STON2: variants seen among roughly 807,000 people sequenced by gnomAD.
STON2 encodes the protein stonin 2.
Under a neutral mutation model 65.7 loss-of-function variants are expected in STON2, and 29 were observed. That is an observed-to-expected ratio of 0.44 (90% confidence interval 0.33 to 0.60). The LOEUF (loss-of-function observed/expected upper bound fraction) is 0.60. Among genes scored for constraint, STON2 ranks in the 20% least tolerant of loss-of-function variants. STON2 has a pLI of 0.03. For synonymous variants in STON2, 404 were observed against 414.2 expected (o/e 0.98, Z 0.30); for missense variants, 1,054 against 1,118.1 (o/e 0.94, Z 0.82).
intron 5 of STON2, among the ~76,000 whole-genome samples, chr14:81,312,966 C>T (rs1360755526): frequency 1.3e-5 from 2 of 152,252 alleles, no homozygotes; most frequent in Non-Finnish European, 2.9e-5. Flanking sequence ...AGGACCCTTA[C>T]AGGCAAACTA....
At chr14:81,358,365 C>T (rs1289999640) in intron 4 of STON2, among the ~76,000 whole-genome samples, 3 of 151,894 alleles carry the variant, frequency 2.0e-5, no homozygotes, top group East Asian at 1.9e-4. Flanking sequence ...AGATGTTCTA[C>T]GTAAGCCTCT....
chr14:81,417,742 G>A (rs966590427), intron 2 of STON2, among the ~76,000 whole-genome samples: 3 of 152,192 alleles, frequency 2.0e-5, no homozygotes, highest in African/African-American at 7.2e-5. Flanking sequence ...ATGCAGCCAA[G>A]GGAATGAATA....
intron 3 of STON2, among the ~76,000 whole-genome samples, chr14:81,391,235 T>C (rs1045196966): frequency 6.6e-6 from 1 of 152,242 alleles, no homozygotes; most frequent in Non-Finnish European, 1.5e-5. Flanking sequence ...GTAGCAGTGA[T>C]TGCAGCAAGT....
At chr14:81,400,227 C>G (rs1900536373) in intron 1 of STON2, among the ~76,000 whole-genome samples, 52 bp downstream of exon 1, 1 of 152,060 alleles carries the variant, frequency 6.6e-6, no homozygotes, top group African/African-American at 2.4e-5. Context: ...ACCACAAGGC[C>G]AGACATAGGC....
rs1461745263 is a variant in STON2 at position 81,266,092 on chromosome 14, G to A, written c.*2322C>T. The A allele has an allele frequency of 1.0e-6, 1 of 985,008 alleles. No homozygotes were observed. The highest frequency in any genetic ancestry group is 1.2e-6 in the Non-Finnish European group (1 of 829,694). 61.0% of individuals were successfully genotyped at this position (985,008 alleles called of 1,614,324 possible). A position where few individuals can be genotyped will look rare whatever the true frequency, so the allele number is the denominator to read the frequency against. The stretch of plus-strand genomic sequence containing the variant: ...ATGAAAAACCACTTATGAAGAAAAA[G>A]ACAAATGAAGTTAGAGAGTCTTATT... On this transcript the variant is annotated 3_prime_UTR_variant, in exon 8 of 8. Coordinates refer to ENST00000614646, the MANE Select transcript of STON2 (RefSeq NM_001394390.1).
chr14:81,410,012 A>G (rs944908032), intron 2 of STON2, among the ~76,000 whole-genome samples: 1 of 152,114 alleles, frequency 6.6e-6, no homozygotes, highest in African/African-American at 2.4e-5. Flanking sequence ...TGCTATCCCA[A>G]TGAAGGAGAC....
intron 3 of STON2, among the ~76,000 whole-genome samples, chr14:81,372,035 G>A (rs372504443): frequency 6.6e-6 from 1 of 152,168 alleles, no homozygotes. Context: ...TACAAATGGA[G>A]ATTTACTGAG....
chr14:81,262,004 T>C lies in STON2; in HGVS notation c.*6410A>G. 1 of 1,370,296 alleles carries C rather than the reference T, an allele frequency of 7.3e-7. No individual in the cohort carries two copies. The allele number at this position is 1,370,296 out of a possible 1,614,324, so 84.9% of individuals were successfully genotyped here. A position where few individuals can be genotyped will look rare whatever the true frequency, so the allele number is the denominator to read the frequency against. The stretch of plus-strand genomic sequence containing the variant: ...GGAAAAAGATGGACCAGGTGATTTT[T>C]CCAATCTTCAAAATTTAAATTTCTT... On this transcript the variant is annotated 3_prime_UTR_variant, in exon 8 of 8. Transcript: ENST00000614646.
At chr14:81,338,865 G>A (rs1183459781) in intron 4 of STON2, among the ~76,000 whole-genome samples, 1 of 152,210 alleles carries the variant, frequency 6.6e-6, no homozygotes, top group African/African-American at 2.4e-5. Flanking sequence ...GATCCTCAAT[G>A]GGAGGCATAA....
chr14:81,339,274 G>T (rs2140287093), intron 4 of STON2, among the ~76,000 whole-genome samples: 1 of 152,318 alleles, frequency 6.6e-6, no homozygotes, highest in South Asian at 2.1e-4. Flanking sequence ...CTGAGGCTAG[G>T]AAAGGTTAAA....
chr14:81,315,198 A>G (rs954978284), intron 5 of STON2, among the ~76,000 whole-genome samples: 6 of 152,222 alleles, frequency 3.9e-5, no homozygotes, highest in Admixed American at 2.0e-4. Context: ...AATAATAGTA[A>G]GAGAAAGTTT....
Position 81,267,172 on chromosome 14 carries a change from A to T in STON2, c.*1242T>A, listed in dbSNP as rs1247193707. The stretch of plus-strand genomic sequence containing the variant: ...AAGATACAAATAAGAAGCAGAGGTG[A>T]GTAGGAACGGATGAAGGAAAAGAAG... On this transcript the variant is annotated 3_prime_UTR_variant, in exon 8 of 8. Transcript: ENST00000614646. 5.4e-5 allele frequency: 53 copies of T among 985,322 alleles called. No homozygotes were observed. Among genetic ancestry groups the T allele is most frequent in the Non-Finnish European group, 6.3e-5 (52 of 829,940 alleles). The allele number at this position is 985,322 out of a possible 1,614,324, so 61.0% of individuals were successfully genotyped here.
In STON2 at chr14:81,318,758, C is replaced by T. The variant is rs575577679; in HGVS notation, c.742+5259G>A. On this transcript the variant is annotated intron_variant, in intron 5 of 7. Transcript: ENST00000614646. ...CCCGGCTACTCCGGGGTCTGAGACA[C>T]AATACTCACTTGAACCTGGGAGACG... is the stretch of plus-strand genomic sequence containing the variant. 2.1e-4 allele frequency among the ~76,000 whole-genome samples: 32 copies of T among 152,282 alleles called. No homozygotes were observed. In the East Asian group the frequency reaches 4.6e-3, roughly 22 times the overall value.
At chr14:81,347,924 AGATAAT>A (rs1897879963) in intron 4 of STON2, among the ~76,000 whole-genome samples, 1 of 148,104 alleles carries the variant, frequency 6.8e-6, no homozygotes, top group Non-Finnish European at 1.5e-5. Flanking sequence ...AAAAAAAAAA[AGATAAT>A]AAAGTAGGAG....
intron 2 of STON2, among the ~76,000 whole-genome samples, chr14:81,423,176 A>G (rs1410299776): frequency 6.6e-6 from 1 of 152,160 alleles, no homozygotes; most frequent in African/African-American, 2.4e-5. Context: ...CTACGTACAC[A>G]AGTCACCAAC....
intron 4 of STON2, among the ~76,000 whole-genome samples, chr14:81,364,355 A>C (rs901693100): frequency 6.6e-6 from 1 of 152,214 alleles, no homozygotes; most frequent in African/African-American, 2.4e-5. Flanking sequence ...AAAAAGGCCA[A>C]GAGGTTCAGC....
In STON2 at chr14:81,262,786, C is replaced by G. The variant is rs1372705092; in HGVS notation, c.*5628G>C. ...AGAAGAAATGTAAAAATCTCACATT[C>G]TTGTTCTAGTTAATACATGGGAGAA... On this transcript the variant is annotated 3_prime_UTR_variant, in exon 8 of 8. Transcript: ENST00000614646. The G allele has an allele frequency of 1.5e-5, 15 of 985,300 alleles. No homozygotes were observed. Among genetic ancestry groups the G allele is most frequent in the Non-Finnish European group, 1.8e-5 (15 of 829,918 alleles). The allele number at this position is 985,300 out of a possible 1,614,324, so 61.0% of individuals were successfully genotyped here.
rs1894413444 is a variant in STON2 at position 81,267,773 on chromosome 14, G to C, written c.*641C>G. The C allele has an allele frequency of 1.0e-6, 1 of 985,218 alleles. No homozygotes were observed. The highest frequency in any genetic ancestry group is 6.2e-5 in the Admixed American group (1 of 16,258). 61.0% of individuals were successfully genotyped at this position (985,218 alleles called of 1,614,324 possible). On this transcript the variant is annotated 3_prime_UTR_variant, in exon 8 of 8. Coordinates refer to ENST00000614646, the MANE Select transcript of STON2 (RefSeq NM_001394390.1). ...TTTTCCATTGTCTATTGTGACTCAGGATAGCAAATCCTGTGACTGAAACCT... is the reference window on the plus strand; with the variant it reads ...TTTTCCATTGTCTATTGTGACTCAGCATAGCAAATCCTGTGACTGAAACCT...
intron 5 of STON2, among the ~76,000 whole-genome samples, chr14:81,286,450 C>A (rs1413312653): frequency 6.6e-6 from 1 of 152,176 alleles, no homozygotes; most frequent in African/African-American, 2.4e-5. Flanking sequence ...AAGATTATGT[C>A]TTGCTGAAGG....
Sources: allele counts gnomAD v4.1 joint callset (sites outside exome capture counted in the v4.1 genomes callset), GRCh38; gene constraint gnomAD v4.1.1; transcripts MANE v1.5; gene names NCBI Gene and HGNC (gene_info 2026-07-23, HGNC 2026-07-21).